Variants in TRMT1L observed in about 807,000 individuals in gnomAD.
TRMT1L encodes tRNA methyltransferase 1L, also known as tRNA (guanine(27)-N(2))-dimethyltransferase.
Under a neutral mutation model 81.6 loss-of-function variants are expected in TRMT1L, and 28 were observed. The observed-to-expected ratio is 0.34, with a 90% CI of 0.25 to 0.47. The LOEUF is 0.47. Ranked by LOEUF, TRMT1L falls within the 20% of genes least tolerant of loss-of-function variation. TRMT1L has a pLI of 1.00. For synonymous variants in TRMT1L, 301 were observed against 303.2 expected (o/e 0.99, Z 0.07); for missense variants, 739 against 877.1 (o/e 0.84, Z 1.99).
intron 1 of TRMT1L, among the ~76,000 whole-genome samples, chr1:185,155,177 ATAAG>A (rs1653463228): frequency 6.6e-6 from 1 of 152,222 alleles, no homozygotes; most frequent in Non-Finnish European, 1.5e-5. Flanking sequence ...GAATATATAG[ATAAG>A]TCTTTTCTAT....
At chr1:185,156,414 T>C in intron 1 of TRMT1L, 64 bp downstream of exon 1, 2 of 1,612,914 alleles carry the variant, frequency 1.2e-6, no homozygotes, top group East Asian at 4.5e-5. Flanking sequence ...GGGCCTCCCC[T>C]ACTTCCCAGC....
At chr1:185,145,378 A>G in intron 5 of TRMT1L, 61 bp downstream of exon 5, 1 of 1,516,932 alleles carries the variant, frequency 6.6e-7, no homozygotes, top group Non-Finnish European at 9.0e-7. Context: ...TCTGAAAATA[A>G]TAACTGGACC....
chr1:185,151,875 T>A lies in TRMT1L; in HGVS notation c.296A>T (p.Asp99Val). ...TGAGCTGGCAGAGTCAAAATTTCCA[T>A]CAGTTACAAAAGCTAAATTCTCTAG... ...ADLENLAFVTDGNFDSASSLN... is the reference protein window; with the variant it reads ...ADLENLAFVTVGNFDSASSLN... Residue 99 changes from aspartate (D) to valine (V), a missense_variant, in exon 2 of 15, where the codon GAT becomes GTT. By Grantham distance (152) the Asp-to-Val change is radical. Coordinates refer to ENST00000367506, the MANE Select transcript of TRMT1L (RefSeq NM_030934.5). The A allele has an allele frequency of 2.5e-6, 4 of 1,605,032 alleles. No homozygotes were observed. The highest frequency in any genetic ancestry group is 2.3e-5 in the East Asian group (1 of 44,154).
Position 185,120,073 on chromosome 1 carries a change from T to G in TRMT1L, c.2148A>C (p.Arg716Ser). 1.2e-6 allele frequency: 2 copies of G among 1,614,032 alleles called. No individual in the cohort carries two copies. The highest frequency in any genetic ancestry group is 1.7e-6 in the Non-Finnish European group (2 of 1,179,942). The change falls in exon 15 of 15, where the codon AGA (arginine) becomes AGC (serine). Residue 716 changes from arginine to serine, a missense_variant. Coordinates refer to ENST00000367506, the MANE Select transcript of TRMT1L (RefSeq NM_030934.5). The part of the protein sequence containing the change: ...QSASEDTVTE[R>S]VEMSVNDKAE... ...CTTTGTCATTCACTGACATTTCAAC[T>G]CTTTCAGTTACTGTATCTTCAGATG...
intron 10 of TRMT1L, among the ~76,000 whole-genome samples, chr1:185,136,891 CT>C (rs1652913430): frequency 6.6e-6 from 1 of 152,098 alleles, no homozygotes; most frequent in Non-Finnish European, 1.5e-5. Flanking sequence ...ACAACCTAAT[CT>C]ACTTTGAATA....
intron 1 of TRMT1L, among the ~76,000 whole-genome samples, chr1:185,155,336 T>C (rs946813696): frequency 6.6e-6 from 1 of 152,218 alleles, no homozygotes; most frequent in Non-Finnish European, 1.5e-5. Context: ...CAGCTCCCCA[T>C]GCCTCCCCGA....
At chr1:185,151,473 C>G (rs1190880992) in intron 2 of TRMT1L, among the ~76,000 whole-genome samples, 1 of 152,148 alleles carries the variant, frequency 6.6e-6, no homozygotes, top group East Asian at 1.9e-4. Context: ...CATACCAGCC[C>G]TAAATTGCCT....
intron 10 of TRMT1L, among the ~76,000 whole-genome samples, chr1:185,130,925 GT>G (rs1198961224): frequency 6.6e-6 from 1 of 152,100 alleles, no homozygotes; most frequent in Non-Finnish European, 1.5e-5. Context: ...ATGTATACTT[GT>G]TGACATTTGG....
intron 5 of TRMT1L, 114 bp from the exon 6 acceptor site, chr1:185,144,143 G>T: frequency 9.1e-7 from 1 of 1,095,152 alleles, no homozygotes; most frequent in South Asian, 2.1e-5. Context: ...TATACATTTT[G>T]AAAAATAACT....
At chr1:185,131,462 A>G (rs1399993192) in intron 10 of TRMT1L, among the ~76,000 whole-genome samples, 2 of 152,172 alleles carry the variant, frequency 1.3e-5, no homozygotes, top group Non-Finnish European at 2.9e-5. Context: ...AAACAAACAA[A>G]AAACCCCTAT....
intron 3 of TRMT1L, 100 bp from the exon 4 acceptor site, chr1:185,147,346 T>A: frequency 1.2e-6 from 1 of 836,034 alleles, no homozygotes; most frequent in Non-Finnish European, 1.9e-6. Context: ...GTATTACCCT[T>A]ACATTTGTAA....
chr1:185,140,228 GA>G lies in TRMT1L; in HGVS notation c.860-7del. ...CCACTGTAATCCCATTATCCCTTAG[GA>G]AAAATGGGAAGAAAATGAGTTTTAT... On this transcript the variant is annotated splice_region_variant and splice_polypyrimidine_tract_variant and intron_variant, in intron 7 of 14. Coordinates refer to ENST00000367506, the MANE Select transcript of TRMT1L (RefSeq NM_030934.5). 6.3e-7 allele frequency: 1 copy of G among 1,578,142 alleles called. No individual in the cohort carries two copies. Among genetic ancestry groups the G allele is most frequent in the Non-Finnish European group, 8.6e-7 (1 of 1,162,074 alleles).
chr1:185,139,314 C>T, intron 9 of TRMT1L, 53 bp downstream of exon 9: 1 of 1,433,496 alleles, frequency 7.0e-7, no homozygotes, highest in Non-Finnish European at 9.6e-7. Flanking sequence ...GTAATATTAT[C>T]TCTTTTTATC....
rs574263388 is a variant in TRMT1L at position 185,142,826 on chromosome 1, C to G, written c.859+531G>C. 7.9e-5 allele frequency among the ~76,000 whole-genome samples: 12 copies of G among 152,204 alleles called. No individual in the cohort carries two copies. The South Asian group carries it at 2.5e-3, about 32-fold the overall frequency. ...AGTCAACAAATAATTATCACACACA[C>G]AGAAAATGATAGAAGGACCCATAGA... On this transcript the variant is annotated intron_variant, in intron 7 of 14. Transcript: ENST00000367506.
rs749473779 is a variant in TRMT1L, at chr1:185,139,608, A to G, written c.1110-29T>C. On this transcript the variant is annotated intron_variant, in intron 8 of 14. Coordinates refer to ENST00000367506, the MANE Select transcript of TRMT1L (RefSeq NM_030934.5). ...AAATCAGAAAGAATATAGACATTTT[A>G]AAGTCATATTAGTAACAAAAATTAT... is the stretch of plus-strand genomic sequence containing the variant. The G allele has an allele frequency of 3.3e-6, 5 of 1,527,762 alleles. No homozygotes were observed. In the Admixed American group the frequency reaches 5.6e-5, roughly 17 times the overall value. 94.6% of individuals were successfully genotyped at this position (1,527,762 alleles called of 1,614,324 possible).
Position 185,128,706 on chromosome 1 carries a change from T to C in TRMT1L, c.1555A>G (p.Met519Val). ...AGTTCTATTGCTGTCTTTCCAGGCA[T>C]GCTTCCATGACAGTTACAAGGCAGC... ...RQLPCNCHGS[M>V]PGKTAIELGP... Residue 519 changes from methionine (M) to valine (V), a missense_variant, in exon 11 of 15, where the codon ATG (methionine) becomes GTG (valine). Coordinates refer to ENST00000367506, the MANE Select transcript of TRMT1L (RefSeq NM_030934.5). The C allele has an allele frequency of 6.2e-7, 1 of 1,612,402 alleles. No individual in the cohort carries two copies. The highest frequency in any genetic ancestry group is 8.5e-7 in the Non-Finnish European group (1 of 1,179,454).
chr1:185,147,412 T>G (rs1326315363), intron 3 of TRMT1L, among the ~76,000 whole-genome samples, 166 bp from the exon 4 acceptor site: 1 of 152,202 alleles, frequency 6.6e-6, no homozygotes, highest in African/African-American at 2.4e-5. Flanking sequence ...ATACATGAGA[T>G]ATATGTGTAT....
At chr1:185,130,279 G>C (rs1034916788) in intron 10 of TRMT1L, among the ~76,000 whole-genome samples, 1 of 152,192 alleles carries the variant, frequency 6.6e-6, no homozygotes, top group African/African-American at 2.4e-5. Context: ...AAAATATTCT[G>C]AGACTTCTAT....
intron 10 of TRMT1L, among the ~76,000 whole-genome samples, chr1:185,130,077 G>A (rs542068060): frequency 1.3e-5 from 2 of 152,086 alleles, no homozygotes; most frequent in Non-Finnish European, 2.9e-5. Flanking sequence ...CCATACAAAC[G>A]TGCCTTTTCC....
Sources: gnomAD v4.1 joint callset for allele counts (sites outside exome capture counted in the v4.1 genomes callset) on GRCh38, gnomAD v4.1.1 for gene constraint, MANE v1.5 for transcripts, NCBI Gene and HGNC (gene_info 2026-07-23, HGNC 2026-07-21) for gene names.